EPHA6: variants seen among roughly 807,000 people sequenced by gnomAD.
The protein encoded by EPHA6 is EPH receptor A6, also known as ephrin type-A receptor 6.
EPHA6 carries 50 observed loss-of-function variants against 112.0 expected under a neutral mutation model. That is an observed-to-expected ratio of 0.45 (90% confidence interval 0.36 to 0.56). The LOEUF (loss-of-function observed/expected upper bound fraction) is 0.56, where lower values mean the gene tolerates loss of function less well. Among genes scored for constraint, EPHA6 ranks in the 20% least tolerant of loss-of-function variants. The pLI is 0.00. For synonymous variants in EPHA6, 529 were observed against 490.7 expected, an observed-to-expected ratio of 1.08 and a Z score of -1.03; for missense variants, 1,280 against 1,417.4, an observed-to-expected ratio of 0.90 and a Z score of 1.56.
intron 12 of EPHA6, among the ~76,000 whole-genome samples, chr3:97,604,564 A>G (rs2093666358): frequency 6.6e-6 from 1 of 151,754 alleles, no homozygotes; most frequent in Non-Finnish European, 1.5e-5. Context: ...ATACCTATGC[A>G]CAAAAGGAAA....
intron 2 of EPHA6, 83 bp from the exon 3 acceptor site, chr3:96,987,247 A>G (rs1280880843): frequency 7.8e-7 from 1 of 1,288,148 alleles, no homozygotes; most frequent in Non-Finnish European, 1.1e-6. Context: ...TTATTTTGGT[A>G]AAACAAAAAA....
chr3:97,036,609 A>C (rs2045106196), intron 3 of EPHA6, among the ~76,000 whole-genome samples: 1 of 152,042 alleles, frequency 6.6e-6, no homozygotes, highest in Non-Finnish European at 1.5e-5. Context: ...AGAAGGATTC[A>C]GTTCAAAGGA....
intron 3 of EPHA6, among the ~76,000 whole-genome samples, chr3:97,198,078 A>G (rs756929792): frequency 6.6e-6 from 1 of 152,050 alleles, no homozygotes; most frequent in Non-Finnish European, 1.5e-5. Flanking sequence ...ACTCAAGACT[A>G]TCTTTTCTAC....
intron 3 of EPHA6, among the ~76,000 whole-genome samples, chr3:97,193,307 G>A (rs1002101476): frequency 2.0e-5 from 3 of 151,772 alleles, no homozygotes; most frequent in African/African-American, 7.3e-5. Context: ...GACCTCTTGA[G>A]TTTTTTTGCA....
At chr3:97,499,679 T>C (rs186872941) in intron 10 of EPHA6, among the ~76,000 whole-genome samples, 3 of 152,282 alleles carry the variant, frequency 2.0e-5, no homozygotes, top group African/African-American at 7.2e-5. Context: ...TGGCAAGTAT[T>C]TGTGTATCTA....
chr3:96,857,609 G>A (rs1405082649), intron 1 of EPHA6, among the ~76,000 whole-genome samples: 1 of 151,986 alleles, frequency 6.6e-6, no homozygotes, highest in East Asian at 1.9e-4. Context: ...ATTGTGCTAA[G>A]AGCTGTTTAA....
At chr3:96,890,082 T>C (rs2037864748) in intron 2 of EPHA6, among the ~76,000 whole-genome samples, 1 of 150,964 alleles carries the variant, frequency 6.6e-6, no homozygotes, top group African/African-American at 2.4e-5. Flanking sequence ...ATTTCATGAG[T>C]TTTGAATGGT....
At position 97,458,572 on chromosome 3, in the gene EPHA6, A is replaced by G. The variant is rs558930871; in HGVS notation, c.1894+9842A>G. Among the ~76,000 whole-genome samples the G allele has an allele frequency of 5.5e-4, 83 of 152,266 alleles. 1 individual carries two copies. In the South Asian group the frequency reaches 0.017, roughly 30 times the overall value. On this transcript the variant is annotated intron_variant, in intron 7 of 17. Coordinates refer to ENST00000389672, the MANE Select transcript of EPHA6 (RefSeq NM_001080448.3). ...TATGTACATATATACACACATTCAT[A>G]TATATAATACATATATTCCACATTC... is the stretch of plus-strand genomic sequence containing the variant.
intron 2 of EPHA6, among the ~76,000 whole-genome samples, chr3:96,958,167 G>A (rs568363308): frequency 1.3e-5 from 2 of 152,014 alleles, no homozygotes; most frequent in East Asian, 1.9e-4. Flanking sequence ...GGGCATGCCT[G>A]TATTCCCAGC....
At chr3:97,133,367 G>A (rs575081007) in intron 3 of EPHA6, among the ~76,000 whole-genome samples, 3 of 152,102 alleles carry the variant, frequency 2.0e-5, no homozygotes, top group African/African-American at 7.2e-5. Context: ...AGAGTAAGTT[G>A]ATGTAAAAGA....
rs2035853150 is a variant in EPHA6, at chr3:97,749,879, T to C, written c.*1178T>C. The stretch of plus-strand genomic sequence containing the variant: ...TTCGAAACCTTCTAAGAAATAAGTA[T>C]GAATACTCCAAAGAGCATATAAACA... On this transcript the variant is annotated 3_prime_UTR_variant, in exon 18 of 18. Transcript: ENST00000389672. Among the ~76,000 whole-genome samples, 1 of 152,174 alleles carries C rather than the reference T, an allele frequency of 6.6e-6. No individual in the cohort carries two copies. The highest frequency in any genetic ancestry group is 6.5e-5 in the Admixed American group (1 of 15,280).
chr3:97,200,015 G>C (rs903486200), intron 3 of EPHA6, among the ~76,000 whole-genome samples: 1 of 152,010 alleles, frequency 6.6e-6, no homozygotes, highest in African/African-American at 2.4e-5. Flanking sequence ...TCTCAAATAG[G>C]GGTTATAGAG....
At chr3:97,646,348 T>G (rs944954731) in intron 14 of EPHA6, 5 of 1,393,782 alleles carry the variant, frequency 3.6e-6, no homozygotes, top group African/African-American at 1.5e-5. Flanking sequence ...ATCCTATACA[T>G]GTAATATATA....
chr3:97,194,658 G>A (rs2077394315), intron 3 of EPHA6, among the ~76,000 whole-genome samples: 1 of 150,804 alleles, frequency 6.6e-6, no homozygotes, highest in Admixed American at 6.6e-5. Context: ...AATGCTGAAA[G>A]TGGTGTGTTG....
intron 5 of EPHA6, among the ~76,000 whole-genome samples, chr3:97,383,053 G>T (rs1250512675): frequency 6.6e-6 from 1 of 151,932 alleles, no homozygotes; most frequent in East Asian, 1.9e-4. Context: ...GAAGTCATAG[G>T]ATACCACCGA....
At chr3:96,825,754 G>A (rs1201830407) in intron 1 of EPHA6, among the ~76,000 whole-genome samples, 1 of 151,824 alleles carries the variant, frequency 6.6e-6, no homozygotes, top group South Asian at 2.1e-4. Context: ...ATTTAGATTT[G>A]TACTTTTAGA....
intron 14 of EPHA6, among the ~76,000 whole-genome samples, chr3:97,667,372 G>A (rs1341945060): frequency 3.3e-5 from 5 of 152,118 alleles, no homozygotes; most frequent in Admixed American, 1.3e-4. Context: ...TATAGAATAA[G>A]ATTCTTAAAC....
At chr3:97,723,387 G>A (rs1452393102) in intron 15 of EPHA6, among the ~76,000 whole-genome samples, 17 of 152,148 alleles carry the variant, frequency 1.1e-4, no homozygotes, top group Admixed American at 9.8e-4. Flanking sequence ...ATGTATATTG[G>A]TGATCTGTGT....
chr3:97,514,603 T>C (rs1212146072), intron 10 of EPHA6, among the ~76,000 whole-genome samples: 1 of 152,134 alleles, frequency 6.6e-6, no homozygotes, highest in Non-Finnish European at 1.5e-5. Context: ...CTGGACTGAA[T>C]TGTGTCCCCC....
Sources: gnomAD v4.1 joint callset for allele counts (sites outside exome capture counted in the v4.1 genomes callset) on GRCh38, gnomAD v4.1.1 for gene constraint, MANE v1.5 for transcripts, NCBI Gene and HGNC (gene_info 2026-07-23, HGNC 2026-07-21) for gene names.